Variants in FGF12 observed in about 807,000 individuals in gnomAD.
The protein encoded by FGF12 is fibroblast growth factor 12B.
In FGF12, 14 loss-of-function variants were observed where a neutral mutation model predicts 23.6. That is an observed-to-expected ratio of 0.59 (90% CI 0.39 to 0.93). The LOEUF (loss-of-function observed/expected upper bound fraction) is 0.93, where lower values mean the gene tolerates loss of function less well. FGF12 is among the 40% of genes least tolerant of loss of function. FGF12 has a pLI of 0.00. For synonymous variants in FGF12, 62 were observed against 77.3 expected, an observed-to-expected ratio of 0.80 and a Z score of 1.04; for missense variants, 175 against 217.8, an observed-to-expected ratio of 0.80 and a Z score of 1.24.
At chr3:192,247,871 C>T (rs1341498992) in intron 4 of FGF12, among the ~76,000 whole-genome samples, 2 of 152,212 alleles carry the variant, frequency 1.3e-5, no homozygotes, top group South Asian at 4.2e-4. Flanking sequence ...AAGTAGTGTT[C>T]CTGACATATG....
At chr3:192,307,396 C>T (rs180997217) in intron 4 of FGF12, among the ~76,000 whole-genome samples, 24 of 152,174 alleles carry the variant, frequency 1.6e-4, no homozygotes, top group Admixed American at 1.0e-3. Flanking sequence ...ATAGCAGCAA[C>T]GACAGGATGC....
chr3:192,538,514 T>C (rs1420595786), intron 2 of FGF12, among the ~76,000 whole-genome samples: 1 of 152,234 alleles, frequency 6.6e-6, no homozygotes, highest in African/African-American at 2.4e-5. Flanking sequence ...GCTATTTTGG[T>C]ACTATAGCTC....
At chr3:192,253,431 A>G (rs1712167131) in intron 4 of FGF12, among the ~76,000 whole-genome samples, 1 of 152,088 alleles carries the variant, frequency 6.6e-6, no homozygotes, top group African/African-American at 2.4e-5. Context: ...AGAGGGAGGA[A>G]GGGAAAAGGG....
At chr3:192,503,094 G>C (rs1342931441) in intron 2 of FGF12, among the ~76,000 whole-genome samples, 5 of 151,990 alleles carry the variant, frequency 3.3e-5, no homozygotes, top group Non-Finnish European at 5.9e-5. Context: ...TAAACACCAG[G>C]ATAAATTTGT....
At chr3:192,666,917 TGATAGATAGATAGATA>T (rs56278131) in intron 2 of FGF12, among the ~76,000 whole-genome samples, 10 of 147,630 alleles carry the variant, frequency 6.8e-5, no homozygotes, top group East Asian at 2.0e-4. Flanking sequence ...GATAGATAGA[TGATAGATAGATAGATA>T]GATAGATAGA....
In FGF12 at chr3:192,464,411, C is replaced by T. The variant is rs370082545; in HGVS notation, c.14-103873G>A. Among the ~76,000 whole-genome samples, 297 of 151,642 alleles carry T rather than the reference C, an allele frequency of 2.0e-3. 1 individual carries two copies. Among genetic ancestry groups the T allele is most frequent in the Middle Eastern group, 3.4e-3 (1 of 294 alleles). On this transcript the variant is annotated intron_variant, in intron 2 of 5. Coordinates refer to ENST00000445105, the MANE Select transcript of FGF12 (RefSeq NM_004113.6). ...TGTTTGGTTTTCTATTCCGGAGTTA[C>T]CTCACTTAGAATAGCGGTCTCCATC...
chr3:192,625,837 G>A (rs910878281), intron 2 of FGF12, among the ~76,000 whole-genome samples: 6 of 152,134 alleles, frequency 3.9e-5, no homozygotes, highest in African/African-American at 1.4e-4. Flanking sequence ...ACAGTTATTA[G>A]ATGTCATGTT....
chr3:192,267,909 C>A (rs1196777219), intron 4 of FGF12, among the ~76,000 whole-genome samples: 5 of 152,100 alleles, frequency 3.3e-5, no homozygotes, highest in African/African-American at 7.2e-5. Flanking sequence ...AAGTTTAACA[C>A]AAATCATAGT....
At chr3:192,723,846 AGTGT>A (rs142888284) in intron 2 of FGF12, among the ~76,000 whole-genome samples, 26,262 of 128,304 alleles carry the variant, frequency 0.2, 3,131 homozygotes, top group East Asian at 0.41. Context: ...GGGAGGTGAG[AGTGT>A]GTGTGTGTGT....
At chr3:192,625,509 G>A (rs1715134122) in intron 2 of FGF12, among the ~76,000 whole-genome samples, 1 of 151,956 alleles carries the variant, frequency 6.6e-6, no homozygotes, top group African/African-American at 2.4e-5. Context: ...TTAAAAATGA[G>A]AACCTAATAA....
chr3:192,630,937 T>A lies in FGF12; in HGVS notation c.13+96244A>T, dbSNP rs141517052. Among the ~76,000 whole-genome samples the A allele has an allele frequency of 5.8e-3, 886 of 152,166 alleles. 4 individuals are homozygous for A. Among genetic ancestry groups the A allele is most frequent in the Non-Finnish European group, 8.0e-3 (546 of 67,980 alleles). ...CTTCACTCTTCTTCCCCCCAACAGCTGAGGCTAAAGCTATGTTTCACATCT... is the reference window on the plus strand; with the variant it reads ...CTTCACTCTTCTTCCCCCCAACAGCAGAGGCTAAAGCTATGTTTCACATCT... On this transcript the variant is annotated intron_variant, in intron 2 of 5. Coordinates refer to ENST00000445105, the MANE Select transcript of FGF12 (RefSeq NM_004113.6).
intron 2 of FGF12, among the ~76,000 whole-genome samples, chr3:192,641,101 C>CTT (rs1164796476): frequency 0.03 from 1,702 of 56,688 alleles, 136 homozygotes; most frequent in Middle Eastern, 0.047. Context: ...TGGCCTTTCA[C>CTT]TTTTTTTTTT....
intron 2 of FGF12, among the ~76,000 whole-genome samples, chr3:192,558,439 A>G (rs1023448675): frequency 2.6e-5 from 4 of 151,938 alleles, no homozygotes; most frequent in African/African-American, 9.7e-5. Context: ...AGAAGACACA[A>G]ATTAATGGAA....
At chr3:192,708,594 G>A (rs1718565225) in intron 2 of FGF12, among the ~76,000 whole-genome samples, 1 of 151,978 alleles carries the variant, frequency 6.6e-6, no homozygotes, top group African/African-American at 2.4e-5. Context: ...CATGTGCCAA[G>A]CCACTGAAAT....
chr3:192,282,242 A>G (rs1714187938), intron 4 of FGF12, among the ~76,000 whole-genome samples: 1 of 152,190 alleles, frequency 6.6e-6, no homozygotes, highest in East Asian at 1.9e-4. Flanking sequence ...TCTGGTACAT[A>G]GTAGGTACTC....
intron 4 of FGF12, among the ~76,000 whole-genome samples, chr3:192,213,341 A>G (rs749676989): frequency 9.2e-5 from 14 of 152,124 alleles, no homozygotes; most frequent in Non-Finnish European, 1.8e-4. Context: ...CAGAATAGGA[A>G]TTACCCTTTT....
intron 4 of FGF12, among the ~76,000 whole-genome samples, chr3:192,286,046 G>A (rs570838722): frequency 1.7e-4 from 26 of 152,066 alleles, no homozygotes; most frequent in African/African-American, 6.3e-4. Flanking sequence ...GCTTAGAGAA[G>A]GCCAGTCATT....
At chr3:192,167,909 G>T (rs777785425) in intron 5 of FGF12, among the ~76,000 whole-genome samples, 2 of 149,780 alleles carry the variant, frequency 1.3e-5, no homozygotes, top group South Asian at 4.2e-4. Context: ...TGGGATTACC[G>T]GCACGTGCCA....
intron 2 of FGF12, among the ~76,000 whole-genome samples, chr3:192,468,178 T>G (rs1166706734): frequency 2.0e-5 from 3 of 152,180 alleles, no homozygotes; most frequent in Non-Finnish European, 2.9e-5. Flanking sequence ...TTGGAAAAAT[T>G]GAAAGATGAG....
Sources: gnomAD v4.1 joint callset for allele counts (sites outside exome capture counted in the v4.1 genomes callset) on GRCh38, gnomAD v4.1.1 for gene constraint, MANE v1.5 for transcripts, NCBI Gene and HGNC (gene_info 2026-07-23, HGNC 2026-07-21) for gene names.